LTA: variants seen among roughly 807,000 people sequenced by gnomAD.
The protein encoded by LTA is lymphotoxin-alpha.
In LTA, 6 loss-of-function variants were observed where a neutral mutation model predicts 15.1. That is an observed-to-expected ratio of 0.40 (90% CI 0.22 to 0.78). The LOEUF (loss-of-function observed/expected upper bound fraction) is 0.78, where lower values mean the gene tolerates loss of function less well. Among genes scored for constraint, LTA ranks in the 30% least tolerant of loss-of-function variants. The pLI, the probability that LTA is intolerant of heterozygous loss-of-function variation, is 0.38. For missense variants in LTA, 173 were observed against 249.5 expected (o/e 0.69, Z 2.06); for synonymous variants, 87 against 107.3 (o/e 0.81, Z 1.17).
At chr6:31,563,525 T>TA in the LTA span, among the ~76,000 whole-genome samples, 2 of 152,140 alleles carry the variant, frequency 1.3e-5, no homozygotes, top group Admixed American at 1.3e-4. Flanking sequence ...CAGGATTAGT[T>TA]ATAGGCCTCT....
upstream of LTA, among the ~76,000 whole-genome samples, chr6:31,570,972 A>C (rs1770800154): frequency 6.6e-6 from 1 of 152,144 alleles, no homozygotes; most frequent in Non-Finnish European, 1.5e-5. Context: ...GGCTACATAC[A>C]GATGGAAAAA....
intron 1 of LTA, 29 bp from the exon 2 acceptor site, chr6:31,572,705 T>G: frequency 9.5e-5 from 42 of 441,936 alleles, no homozygotes; most frequent in Non-Finnish European, 1.2e-4. Flanking sequence ...CCGCTCACTG[T>G]CTCTCTCTCT....
In LTA at chr6:31,573,505, T is replaced by C; in HGVS notation, c.430T>C (p.Phe144Leu). The part of the protein sequence containing the change: ...EVQLFSSQYP[F>L]HVPLLSSQKM... ...CCAGCTCTTCTCCTCCCAGTACCCC[T>C]TCCATGTGCCTCTCCTCAGCTCCCA... is the stretch of plus-strand genomic sequence containing the variant. Residue 144 changes from phenylalanine (F) to leucine (L), a missense_variant, in exon 4 of 4, where the codon TTC (phenylalanine) becomes CTC (leucine). Transcript: ENST00000418386. 6.2e-7 allele frequency: 1 copy of C among 1,614,064 alleles called. No homozygotes were observed. Among genetic ancestry groups the C allele is most frequent in the Non-Finnish European group, 8.5e-7 (1 of 1,179,988 alleles).
chr6:31,568,718 T>C (rs1192871699), upstream of LTA, among the ~76,000 whole-genome samples: 7 of 152,162 alleles, frequency 4.6e-5, no homozygotes, highest in Non-Finnish European at 8.8e-5. The surrounding 1 kb of genome is among the most constrained non-coding windows in gnomAD (Gnocchi z 4.1). Flanking sequence ...AACCAACTGC[T>C]GGCCTGCCCA....
chr6:31,564,311 G>C, the LTA span, among the ~76,000 whole-genome samples: 1 of 151,850 alleles, frequency 6.6e-6, no homozygotes, highest in Non-Finnish European at 1.5e-5. Flanking sequence ...ACGAAGTCTC[G>C]CTCTGTCACC....
chr6:31,563,146 C>T, the LTA span, among the ~76,000 whole-genome samples: 1 of 152,010 alleles, frequency 6.6e-6, no homozygotes, highest in African/African-American at 2.4e-5. Flanking sequence ...GGCAACAGAG[C>T]AAGCCTATCC....
the LTA span, among the ~76,000 whole-genome samples, chr6:31,563,827 C>T: frequency 3.9e-5 from 6 of 152,076 alleles, no homozygotes; most frequent in Non-Finnish European, 7.4e-5. Flanking sequence ...GGGCTGGTCT[C>T]GAACTCCTGA....
chr6:31,560,910 CT>C, the LTA span, among the ~76,000 whole-genome samples: 1 of 152,086 alleles, frequency 6.6e-6, no homozygotes, highest in Admixed American at 6.6e-5. Context: ...AGACCCATAC[CT>C]AGTTAACTGA....
At chr6:31,565,568 GC>G in the LTA span, among the ~76,000 whole-genome samples, 33 of 152,146 alleles carry the variant, frequency 2.2e-4, no homozygotes, top group Non-Finnish European at 4.0e-4. Context: ...CTTGGACCTT[GC>G]CCCTGAAATC....
chr6:31,571,197 A>G (rs943139492), upstream of LTA, among the ~76,000 whole-genome samples: 5 of 151,774 alleles, frequency 3.3e-5, no homozygotes, highest in African/African-American at 1.2e-4. Flanking sequence ...AGTAGCTGGG[A>G]CTGCAGATGC....
intron 3 of LTA, 21 bp from the exon 4 acceptor site, chr6:31,573,260 A>C (rs1770960650): frequency 6.3e-7 from 1 of 1,592,578 alleles, no homozygotes; most frequent in Non-Finnish European, 8.6e-7. Context: ...TCCCACCCCC[A>C]TCCCCTATGG....
chr6:31,562,948 T>C, the LTA span, among the ~76,000 whole-genome samples: 10 of 149,038 alleles, frequency 6.7e-5, 1 homozygote, highest in Admixed American at 4.7e-4. Flanking sequence ...ACTATAGATA[T>C]CAGGAGTTCA....
Position 31,574,183 on chromosome 6 carries a change from A to G in LTA, c.*490A>G, listed in dbSNP as rs1416665491. 4.1e-5 allele frequency: 10 copies of G among 244,076 alleles called. No homozygotes were observed. Among genetic ancestry groups the G allele is most frequent in the Middle Eastern group, 1.6e-3 (1 of 614 alleles). 15.1% of individuals were successfully genotyped at this position (244,076 alleles called of 1,614,324 possible). Reference sequence around the variant, plus strand: ...GTGAGAGGGCATGCGCACAAGGCTGACCAAGAGAGAAAGAAGTAGGCATGA... The same window carrying G: ...GTGAGAGGGCATGCGCACAAGGCTGGCCAAGAGAGAAAGAAGTAGGCATGA... On this transcript the variant is annotated 3_prime_UTR_variant, in exon 4 of 4. Coordinates refer to ENST00000418386, the MANE Select transcript of LTA (RefSeq NM_000595.4).
chr6:31,567,645 AACACAC>A (rs9279356), upstream of LTA, among the ~76,000 whole-genome samples: 950 of 122,054 alleles, frequency 7.8e-3, 7 homozygotes, highest in Admixed American at 0.01. Context: ...TCTCCCCTGC[AACACAC>A]ACACACACAC....
chr6:31,573,770 C>A lies in LTA; in HGVS notation c.*77C>A. 1 of 1,535,840 alleles carries A rather than the reference C, an allele frequency of 6.5e-7. No homozygotes were observed. The highest frequency in any genetic ancestry group is 9.0e-7 in the Non-Finnish European group (1 of 1,116,890). On this transcript the variant is annotated 3_prime_UTR_variant, in exon 4 of 4. Transcript: ENST00000418386. ...CATTCTGCCTCCATTCTGACCATTT[C>A]AGGGGTCGTCACCACCTCTCCTTTG...
the LTA span, among the ~76,000 whole-genome samples, chr6:31,561,820 A>G: frequency 2.0e-5 from 3 of 152,138 alleles, no homozygotes; most frequent in Non-Finnish European, 4.4e-5. Context: ...ATAACTATAC[A>G]TTATAGTTAT....
chr6:31,572,353 G>A lies in LTA; in HGVS notation c.-103G>A, dbSNP rs1174013301. ...TGGGCTGCCCGTGCTTCGTGCTTTGGACTACCGCCCAGCAGTGTCCTGCCC... is the reference window on the plus strand; with the variant it reads ...TGGGCTGCCCGTGCTTCGTGCTTTGAACTACCGCCCAGCAGTGTCCTGCCC... On this transcript the variant is annotated 5_prime_UTR_variant, in exon 1 of 4. Coordinates refer to ENST00000418386, the MANE Select transcript of LTA (RefSeq NM_000595.4). The A allele has an allele frequency of 9.4e-6, 3 of 319,144 alleles. No homozygotes were observed. Among genetic ancestry groups the A allele is most frequent in the South Asian group, 1.3e-4 (2 of 15,690 alleles). 19.8% of individuals were successfully genotyped at this position (319,144 alleles called of 1,614,324 possible). A position where few individuals can be genotyped will look rare whatever the true frequency, so the allele number is the denominator to read the frequency against.
upstream of LTA, among the ~76,000 whole-genome samples, chr6:31,569,465 A>G (rs1228772786): frequency 2.6e-5 from 4 of 152,144 alleles, no homozygotes; most frequent in African/African-American, 9.7e-5. Context: ...TAAAAGGGAA[A>G]CCCACACTGA....
At chr6:31,561,421 T>C in the LTA span, among the ~76,000 whole-genome samples, 1 of 152,186 alleles carries the variant, frequency 6.6e-6, no homozygotes, top group African/African-American at 2.4e-5. Flanking sequence ...ACCTCACTCC[T>C]GTAATCACAG....
Sources: gnomAD v4.1 joint callset for allele counts (sites outside exome capture counted in the v4.1 genomes callset) on GRCh38, gnomAD v4.1.1 for gene constraint, Gnocchi (gnomAD v3.1) non-coding constraint, MANE v1.5 for transcripts, NCBI Gene and HGNC (gene_info 2026-07-23, HGNC 2026-07-21) for gene names.